Variants in ZNF875 observed in about 807,000 individuals in gnomAD.
ZNF875 encodes HKR1, GLI-Kruppel zinc finger family member.
In ZNF875, 14 loss-of-function variants were observed where a neutral mutation model predicts 11.2. The observed-to-expected ratio is 1.26, with a 90% CI of 0.83 to 1.96. The LOEUF (loss-of-function observed/expected upper bound fraction) is 1.96, where lower values mean the gene tolerates loss of function less well. Among genes scored for constraint, ZNF875 ranks in the 30% most tolerant of loss-of-function variants. The pLI, the probability that ZNF875 is intolerant of heterozygous loss-of-function variation, is 0.00. For missense variants in ZNF875, 752 were observed against 760.4 expected (o/e 0.99, Z 0.13); for synonymous variants, 301 against 281.1 (o/e 1.07, Z -0.71).
chr19:37,347,476 C>T, intron 3 of ZNF875, 160 bp downstream of exon 3: 1 of 674,258 alleles, frequency 1.5e-6, no homozygotes, highest in Non-Finnish European at 2.5e-6. Flanking sequence ...GAATTGAAAG[C>T]AGACAGATTG....
chr19:37,327,735 G>A (rs1393571882), intron 4 of ZNF875, among the ~76,000 whole-genome samples: 2 of 134,734 alleles, frequency 1.5e-5, no homozygotes, highest in Admixed American at 1.6e-4. Context: ...CTTCACTCCA[G>A]CCTGGCCCAC....
chr19:37,344,264 A>C (rs2036338625), intron 2 of ZNF875, among the ~76,000 whole-genome samples: 1 of 152,168 alleles, frequency 6.6e-6, no homozygotes, highest in Non-Finnish European at 1.5e-5. Flanking sequence ...AGTAGTTGTT[A>C]AACTTTAGTG....
At chr19:37,331,425 G>A (rs1282373381), upstream of ZNF875, among the ~76,000 whole-genome samples, 2 of 151,636 alleles carry the variant, frequency 1.3e-5, no homozygotes, top group Admixed American at 1.3e-4. Flanking sequence ...GATTGTTACT[G>A]TGTCTGTGTA....
At position 37,362,622 on chromosome 19, in the gene ZNF875, C is replaced by T; in HGVS notation, c.770C>T (p.Thr257Ile). Reference protein sequence around the residue: ...TQTGETPYMYTEWGDSFGSMS... With the variant: ...TQTGETPYMYIEWGDSFGSMS... ...ACTGGGGAGACACCTTACATGTACA[C>T]TGAGTGGGGAGACAGCTTTGGCAGT... is the stretch of plus-strand genomic sequence containing the variant. The change falls in exon 5 of 5, where the codon ACT (threonine) becomes ATT (isoleucine). Residue 257 changes from threonine to isoleucine, a missense_variant. Physicochemically the swap from Thr to Ile is moderately conservative, Grantham distance 89. Coordinates refer to ENST00000392153, the MANE Select transcript of ZNF875 (RefSeq NM_001353803.2). 1.2e-6 allele frequency: 2 copies of T among 1,613,624 alleles called. No individual in the cohort carries two copies. Among genetic ancestry groups the T allele is most frequent in the Non-Finnish European group, 1.7e-6 (2 of 1,179,794 alleles).
rs762273450 is a variant in ZNF875 at position 37,363,784 on chromosome 19, T to C, written c.*9T>C. The C allele has an allele frequency of 6.2e-7, 1 of 1,608,286 alleles. No homozygotes were observed. Among genetic ancestry groups the C allele is most frequent in the Admixed American group, 1.7e-5 (1 of 59,900 alleles). On this transcript the variant is annotated 3_prime_UTR_variant, in exon 5 of 5. Coordinates refer to ENST00000392153, the MANE Select transcript of ZNF875 (RefSeq NM_001353803.2). The stretch of plus-strand genomic sequence containing the variant: ...GGACACACTCAGGATAGAAACTTTA[T>C]GTGTATAGGGAATGTGGTACAGCCT...
In ZNF875 at chr19:37,347,837, G is replaced by A. The variant is rs1442510746; in HGVS notation, c.221G>A (p.Arg74Lys). Residue 74 changes from arginine to lysine, a missense_variant, in exon 4 of 5, where the codon AGA (arginine) becomes AAA (lysine). Arg to Lys is a conservative substitution (Grantham distance 26). Transcript: ENST00000392153. ...CTGGAGCGAGGGGAAGCGCCCTGGAGAGAGGAGAGAAAATGTCCACTGGAC... is the reference window on the plus strand; with the variant it reads ...CTGGAGCGAGGGGAAGCGCCCTGGAAAGAGGAGAGAAAATGTCCACTGGAC... ...AQLERGEAPW[R>K]EERKCPLDLC... 3 of 1,613,068 alleles carry A rather than the reference G, an allele frequency of 1.9e-6. No individual in the cohort carries two copies. In the East Asian group the frequency reaches 6.7e-5, roughly 36 times the overall value.
upstream of ZNF875, among the ~76,000 whole-genome samples, chr19:37,333,484 T>G (rs1043935922): frequency 6.6e-6 from 1 of 152,136 alleles, no homozygotes; most frequent in African/African-American, 2.4e-5. Flanking sequence ...CAAACCTTGT[T>G]TTTTACTTCT....
At chr19:37,354,239 C>T (rs2038475734) in intron 4 of ZNF875, among the ~76,000 whole-genome samples, 1 of 66,878 alleles carries the variant, frequency 1.5e-5, no homozygotes, top group Non-Finnish European at 2.8e-5. Flanking sequence ...CCCTCCTCTC[C>T]CCTCCTCTCC....
rs374853630 is a variant in ZNF875, at chr19:37,362,717, C to T, written c.865C>T (p.Arg289Ter). 12 of 1,612,982 alleles carry T rather than the reference C, an allele frequency of 7.4e-6. No individual in the cohort carries two copies. The highest frequency in any genetic ancestry group is 2.7e-5 in the African/African-American group (2 of 74,890). ...GCCTTATGTGTGCAGGGAATGTGGGCGAGGCTTTACGTGGAAGTCAAACCT... is the reference window on the plus strand; with the variant it reads ...GCCTTATGTGTGCAGGGAATGTGGGTGAGGCTTTACGTGGAAGTCAAACCT... ...GKPYVCRECG[R>*]GFTWKSNLIT... The change falls in exon 5 of 5, where the codon CGA (arginine) becomes TGA (stop). Residue 289 changes from arginine (R) to a stop codon, truncating the protein, a stop_gained. Coordinates refer to ENST00000392153, the MANE Select transcript of ZNF875 (RefSeq NM_001353803.2). LOFTEE classifies it low-confidence loss of function (END_TRUNC).
intron 2 of ZNF875, among the ~76,000 whole-genome samples, chr19:37,336,399 A>G (rs1180130761): frequency 2.0e-5 from 3 of 147,812 alleles, no homozygotes; most frequent in African/African-American, 7.5e-5. Flanking sequence ...TCCCAGGTTC[A>G]CACCATTCTT....
At chr19:37,357,965 G>T (rs2039203832) in intron 4 of ZNF875, 2 of 398,160 alleles carry the variant, frequency 5.0e-6, no homozygotes, top group Admixed American at 8.8e-5. Context: ...TTCTTAGGGG[G>T]AATGGTTTCA....
At chr19:37,338,154 GCT>G (rs1422154964) in intron 2 of ZNF875, among the ~76,000 whole-genome samples, 1 of 152,156 alleles carries the variant, frequency 6.6e-6, no homozygotes, top group Admixed American at 6.6e-5. Context: ...GCGGAGTCAT[GCT>G]CTGTCACCCA....
intron 4 of ZNF875, chr19:37,357,923 T>A (rs1568645949): frequency 2.3e-5 from 9 of 398,250 alleles, no homozygotes. Context: ...TGAATACGAG[T>A]GGTGAGAGCA....
upstream of ZNF875, chr19:37,317,020 G>T (rs1171870394): frequency 2.7e-5 from 4 of 149,350 alleles, no homozygotes; most frequent in Admixed American, 2.7e-4. Flanking sequence ...TGCCGCCCAG[G>T]CTGGAGGGGA....
chr19:37,362,172 T>G lies in ZNF875; in HGVS notation c.320T>G (p.Leu107Arg), dbSNP rs1350813320. The change falls in exon 5 of 5, where the codon CTC becomes CGC. Residue 107 changes from leucine to arginine, a missense_variant. By Grantham distance (102) the Leu-to-Arg change is moderately radical. Coordinates refer to ENST00000392153, the MANE Select transcript of ZNF875 (RefSeq NM_001353803.2). ...CPLIFSSQQALSQHVWLSHLS... is the reference protein window; with the variant it reads ...CPLIFSSQQARSQHVWLSHLS... ...CTGATTTTCTCCAGTCAGCAAGCTC[T>G]CAGCCAACATGTGTGGCTGAGTCAT... 2.2e-5 allele frequency: 36 copies of G among 1,614,060 alleles called. No homozygotes were observed. Among genetic ancestry groups the G allele is most frequent in the Non-Finnish European group, 3.0e-5 (35 of 1,180,046 alleles).
chr19:37,333,295 G>T (rs1599935329), upstream of ZNF875, among the ~76,000 whole-genome samples: 2 of 110,276 alleles, frequency 1.8e-5, no homozygotes, highest in African/African-American at 3.5e-5. Flanking sequence ...CTTTTCATTT[G>T]TGCTTCTTAA....
chr19:37,345,188 A>C (rs2036541969), intron 2 of ZNF875, among the ~76,000 whole-genome samples: 1 of 152,196 alleles, frequency 6.6e-6, no homozygotes, highest in African/African-American at 2.4e-5. Flanking sequence ...GGTGGGACTC[A>C]AGAATCCATA....
At chr19:37,339,537 C>T (rs2035227036) in intron 2 of ZNF875, among the ~76,000 whole-genome samples, 1 of 145,980 alleles carries the variant, frequency 6.9e-6, no homozygotes, top group South Asian at 2.2e-4. Flanking sequence ...AGATTTGAAC[C>T]CTGCCAGTTT....
intron 4 of ZNF875, chr19:37,358,517 C>CTTTTTTTTTTTTTTTTTTTTTT (rs35583622): frequency 7.0e-6 from 1 of 143,316 alleles, no homozygotes; most frequent in Non-Finnish European, 1.5e-5. Flanking sequence ...TCAGTTCTCA[C>CTTTTTTTTTTTTTTTTTTTTTT]TTTTTTTTTT....
Sources: allele counts gnomAD v4.1 joint callset (sites outside exome capture counted in the v4.1 genomes callset), GRCh38; gene constraint gnomAD v4.1.1; transcripts MANE v1.5; gene names NCBI Gene and HGNC (gene_info 2026-07-23, HGNC 2026-07-21).